The following CERS5 variants were observed in gnomAD, a reference collection of about 807,000 sequenced individuals.
CERS5 encodes the protein ceramide synthase 5, also known as LAG1 homolog, ceramide synthase 5.
Under a neutral mutation model 58.9 loss-of-function variants are expected in CERS5, and 37 were observed. The ratio of observed to expected loss-of-function variants is 0.63; its 90% CI spans 0.48 to 0.83. The LOEUF (loss-of-function observed/expected upper bound fraction) is 0.83. CERS5 is among the 40% of genes least tolerant of loss of function. The pLI, the probability that CERS5 is intolerant of heterozygous loss-of-function variation, is 0.00. For synonymous variants in CERS5, 147 were observed against 177.8 expected, an observed-to-expected ratio of 0.83 and a Z score of 1.38; for missense variants, 398 against 489.3, an observed-to-expected ratio of 0.81 and a Z score of 1.76.
At chr12:50,141,171 C>T (rs1380916186) in intron 4 of CERS5, among the ~76,000 whole-genome samples, 1 of 152,142 alleles carries the variant, frequency 6.6e-6, no homozygotes, top group African/African-American at 2.4e-5. Context: ...CTACCTTAGC[C>T]TCTTGAGTAG....
intron 1 of CERS5, among the ~76,000 whole-genome samples, chr12:50,166,805 CTTGGAGGT>C (rs1184710963): frequency 1.3e-5 from 2 of 152,162 alleles, no homozygotes; most frequent in African/African-American, 4.8e-5. Context: ...CTGTAGGACC[CTTGGAGGT>C]TGGGAGGAGG....
intron 9 of CERS5, 85 bp downstream of exon 9, chr12:50,134,461 T>A: frequency 1.2e-6 from 2 of 1,611,220 alleles, no homozygotes; most frequent in Non-Finnish European, 1.7e-6. Flanking sequence ...TAGATGGGGC[T>A]CACCAGGTTT....
At chr12:50,163,615 G>A (rs1939548431) in intron 1 of CERS5, among the ~76,000 whole-genome samples, 1 of 152,174 alleles carries the variant, frequency 6.6e-6, no homozygotes, top group South Asian at 2.1e-4. Context: ...AGGATCGCTT[G>A]AGGCCAGGAG....
rs1592321048 is a variant in CERS5 at position 50,130,782 on chromosome 12, C to G, written c.1030-88G>C. The G allele has an allele frequency of 2.4e-6, 3 of 1,239,974 alleles. No homozygotes were observed. The East Asian group carries it at 7.4e-5, about 31-fold the overall frequency. 76.8% of individuals were successfully genotyped at this position (1,239,974 alleles called of 1,614,324 possible). ...AGACCCAGGTGTGGGCACTGTGTTC[C>G]CAGTCTGGTCTGCTTTCTGATGACA... On this transcript the variant is annotated intron_variant, in intron 9 of 9. Transcript: ENST00000317551.
chr12:50,142,241 C>T, intron 3 of CERS5, 131 bp from the exon 4 acceptor site: 1 of 630,684 alleles, frequency 1.6e-6, no homozygotes, highest in Non-Finnish European at 2.8e-6. Context: ...CTAGAATAGG[C>T]AACTACTGTC....
chr12:50,135,079 A>C (rs1951557983), intron 8 of CERS5, among the ~76,000 whole-genome samples: 1 of 147,470 alleles, frequency 6.8e-6, no homozygotes, highest in South Asian at 2.2e-4. Flanking sequence ...TGAATGTAAA[A>C]GTGAAAGGAG....
At chr12:50,144,862 G>C in intron 1 of CERS5, 1 of 1,321,832 alleles carries the variant, frequency 7.6e-7, no homozygotes, top group Admixed American at 2.3e-5. Flanking sequence ...AAAGCCGGGC[G>C]TGGTGGCTCA....
chr12:50,148,919 A>ATATAT (rs1555196134), intron 1 of CERS5, among the ~76,000 whole-genome samples: 14 of 70,866 alleles, frequency 2.0e-4, no homozygotes, highest in African/African-American at 2.7e-4. Flanking sequence ...AAAAAAAAAA[A>ATATAT]AAAAAAAAAT....
intron 1 of CERS5, among the ~76,000 whole-genome samples, chr12:50,149,472 G>A (rs1438123289): frequency 6.6e-6 from 1 of 152,098 alleles, no homozygotes; most frequent in Non-Finnish European, 1.5e-5. Flanking sequence ...TAGTGCTTTC[G>A]CTTTTTCCTA....
At chr12:50,152,397 C>G (rs1003305276) in intron 1 of CERS5, among the ~76,000 whole-genome samples, 13 of 152,180 alleles carry the variant, frequency 8.5e-5, no homozygotes, top group Admixed American at 2.6e-4. Context: ...CTTGATGAAG[C>G]ACTACAAATT....
chr12:50,132,317 G>A (rs921584805), intron 9 of CERS5, among the ~76,000 whole-genome samples: 2 of 151,444 alleles, frequency 1.3e-5, no homozygotes, highest in African/African-American at 2.4e-5. Flanking sequence ...CAGGAGACTC[G>A]CTTGAACTGG....
chr12:50,135,725 C>CACTT lies in CERS5; in HGVS notation c.872+3_872+6dup. 6.3e-7 allele frequency: 1 copy of CACTT among 1,589,996 alleles called. No homozygotes were observed. Among genetic ancestry groups the CACTT allele is most frequent in the Non-Finnish European group, 8.6e-7 (1 of 1,158,096 alleles). The stretch of plus-strand genomic sequence containing the variant: ...ACCTACCACAACTCTACAGCCCTAC[C>CACTT]ACTTACCAGAATGGATAGATTCCTA... On this transcript the variant is annotated splice_region_variant and intron_variant, in intron 8 of 9. Transcript: ENST00000317551.
At chr12:50,137,654 G>C (rs572861694) in intron 6 of CERS5, 74 bp downstream of exon 6, 2 of 808,262 alleles carry the variant, frequency 2.5e-6, no homozygotes, top group East Asian at 2.5e-5. Flanking sequence ...ATAATACATC[G>C]TAATGGCAGT....
chr12:50,153,515 T>C (rs1056328934), intron 1 of CERS5, among the ~76,000 whole-genome samples: 1 of 151,828 alleles, frequency 6.6e-6, no homozygotes, highest in African/African-American at 2.4e-5. Context: ...CTTGACCTTG[T>C]GATGCGCCCA....
chr12:50,146,511 C>A (rs1952274892), intron 1 of CERS5, among the ~76,000 whole-genome samples: 1 of 152,054 alleles, frequency 6.6e-6, no homozygotes, highest in African/African-American at 2.4e-5. Flanking sequence ...GTTCAGAGTT[C>A]GGTGAAAAGC....
intron 9 of CERS5, among the ~76,000 whole-genome samples, chr12:50,131,558 CAAA>C (rs752634104): frequency 7.4e-4 from 52 of 69,838 alleles, no homozygotes; most frequent in Middle Eastern, 7.2e-3. Context: ...GACTCCATCT[CAAA>C]AAAAAAAAAA....
chr12:50,166,805 C>T (rs1939947473), intron 1 of CERS5, among the ~76,000 whole-genome samples: 1 of 152,162 alleles, frequency 6.6e-6, no homozygotes, highest in East Asian at 1.9e-4. Flanking sequence ...CTGTAGGACC[C>T]TTGGAGGTTG....
chr12:50,139,251 G>A (rs955227635), intron 4 of CERS5, among the ~76,000 whole-genome samples: 1 of 152,110 alleles, frequency 6.6e-6, no homozygotes, highest in African/African-American at 2.4e-5. Flanking sequence ...AGGGTGAGGT[G>A]GGTGGATTGC....
chr12:50,132,448 C>CT (rs1329545376), intron 9 of CERS5, among the ~76,000 whole-genome samples: 2 of 151,876 alleles, frequency 1.3e-5, no homozygotes, highest in Non-Finnish European at 1.5e-5. Flanking sequence ...ACCCTGGACT[C>CT]TAATAGTAAA....
Sources: gnomAD v4.1 joint callset for allele counts (sites outside exome capture counted in the v4.1 genomes callset) on GRCh38, gnomAD v4.1.1 for gene constraint, MANE v1.5 for transcripts, NCBI Gene and HGNC (gene_info 2026-07-23, HGNC 2026-07-21) for gene names.